The following NBEAL1 variants were observed in gnomAD, a reference collection of about 807,000 sequenced individuals.
The protein encoded by NBEAL1 is neurobeachin-like protein 1.
A neutral mutation model predicts 351.3 loss-of-function variants in NBEAL1; 273 were observed. The ratio of observed to expected loss-of-function variants is 0.78; its 90% CI spans 0.70 to 0.86. The LOEUF (loss-of-function observed/expected upper bound fraction) is 0.86. Ranked by LOEUF, NBEAL1 falls within the 40% of genes least tolerant of loss-of-function variation. The probability of loss-of-function intolerance (pLI) is 0.00; values close to 1 mark genes in which losing one functional copy is unlikely to be tolerated. For synonymous variants in NBEAL1, 1,050 were observed against 1,086.4 expected, an observed-to-expected ratio of 0.97 and a Z score of 0.66; for missense variants, 2,961 against 3,201.3, an observed-to-expected ratio of 0.92 and a Z score of 1.81.
At chr2:203,127,337 A>C (rs1490108167) in intron 23 of NBEAL1, among the ~76,000 whole-genome samples, 2 of 152,362 alleles carry the variant, frequency 1.3e-5, no homozygotes, top group Non-Finnish European at 2.9e-5. Context: ...ATTTTCCTTA[A>C]AAAGAAAAGC....
intron 37 of NBEAL1, 118 bp downstream of exon 37, chr2:203,166,415 A>C: frequency 1.0e-6 from 1 of 952,984 alleles, no homozygotes. Context: ...GGAGAAATGG[A>C]AAGTCAGTAA....
Position 203,151,553 on chromosome 2 carries a change from AC to A in NBEAL1, c.5554del (p.His1852MetfsTer7), listed in dbSNP as rs765552668. ...GCTGGTACCGAATTATAATTTCAAA[AC>A]CCATGAGGAAGCTAGTGCCTTGAGA... ...LKLVPNYNFKTHEEASALRDN... is the reference protein window; with the variant it reads ...LKLVPNYNFKXHEEASALRDN... On this transcript the variant is annotated frameshift_variant, in exon 35 of 56. Transcript: ENST00000683969. LOFTEE classifies it high-confidence loss of function. The A allele has an allele frequency of 6.2e-7, 1 of 1,609,696 alleles. No individual in the cohort carries two copies. The highest frequency in any genetic ancestry group is 1.1e-5 in the South Asian group (1 of 90,114).
rs562005532 is a variant in NBEAL1, at chr2:203,213,619, A to C, written c.8036A>C (p.Lys2679Thr). ...SHILVGLEDGKLIVVGVGKPA... is the reference protein window; with the variant it reads ...SHILVGLEDGTLIVVGVGKPA... ...ATTCTTGTAGGTTTAGAAGATGGCA[A>C]ATTGATTGTAGTGGGTGTTGGCAAG... Residue 2679 changes from lysine (K) to threonine (T), a missense_variant, in exon 55 of 56, where the codon AAA becomes ACA. By Grantham distance (78) the Lys-to-Thr change is moderately conservative. Coordinates refer to ENST00000683969, the MANE Select transcript of NBEAL1 (RefSeq NM_001378026.1). 44 of 1,614,072 alleles carry C rather than the reference A, an allele frequency of 2.7e-5. No individual in the cohort carries two copies. Among genetic ancestry groups the C allele is most frequent in the Middle Eastern group, 3.3e-4 (2 of 6,060 alleles).
At chr2:203,161,568 G>A (rs192165176) in intron 36 of NBEAL1, among the ~76,000 whole-genome samples, 43 of 151,914 alleles carry the variant, frequency 2.8e-4, no homozygotes, top group Admixed American at 2.6e-3. Flanking sequence ...GGCGGAGGTT[G>A]CAGTGAGCTG....
At chr2:203,138,390 CT>C in intron 30 of NBEAL1, 75 bp downstream of exon 30, 2 of 1,344,688 alleles carry the variant, frequency 1.5e-6, no homozygotes, top group Non-Finnish European at 2.1e-6. Context: ...TGCACCCCCT[CT>C]TTTTAGAGCG....
At position 203,188,480 on chromosome 2, in the gene NBEAL1, A is replaced by G. The variant is rs2064976108; in HGVS notation, c.6714A>G (p.Glu2238=). ...ATTTATTCTTTTTCTAGGAGTCTGA[A>G]TATGTTTCAGCTCATCTTCATGAAT... ...IYKHRKALES[E]YVSAHLHEWI... Residue 2238 remains glutamate, a synonymous_variant, in exon 45 of 56, where the codon GAA becomes GAG. Transcript: ENST00000683969. 6.4e-7 allele frequency: 1 copy of G among 1,552,142 alleles called. No individual in the cohort carries two copies. Among genetic ancestry groups the G allele is most frequent in the Non-Finnish European group, 8.7e-7 (1 of 1,149,666 alleles).
intron 4 of NBEAL1, 82 bp from the exon 5 acceptor site, chr2:203,056,345 T>C: frequency 1.3e-6 from 1 of 761,208 alleles, no homozygotes; most frequent in Non-Finnish European, 2.3e-6. Flanking sequence ...CAGCATGTGT[T>C]CTCATAATTC....
chr2:203,153,302 A>AT (rs5837843), intron 35 of NBEAL1, among the ~76,000 whole-genome samples: 106,972 of 124,050 alleles, frequency 0.86, 47,347 homozygotes, highest in Non-Finnish European at 0.95. Context: ...CATGCCCAGC[A>AT]TTTTTTTTTT....
At chr2:203,164,176 T>C (rs894829878) in intron 36 of NBEAL1, among the ~76,000 whole-genome samples, 11 of 151,896 alleles carry the variant, frequency 7.2e-5, no homozygotes, top group Admixed American at 3.9e-4. Flanking sequence ...AATAAAACTT[T>C]GTACAATCTT....
intron 18 of NBEAL1, among the ~76,000 whole-genome samples, chr2:203,118,897 CT>C (rs2062760512): frequency 6.6e-6 from 1 of 151,652 alleles, no homozygotes; most frequent in Non-Finnish European, 1.5e-5. Context: ...CCTGACTGGT[CT>C]TTTTGACATT....
Position 203,221,616 on chromosome 2 carries a change from C to T in NBEAL1, c.*4262C>T, listed in dbSNP as rs759896904. ...TCCTACGCATTGTTCCTCTCATCAG[C>T]TGAAACTGTTTCTCCCCAATAAGTG... On this transcript the variant is annotated 3_prime_UTR_variant, in exon 56 of 56. Coordinates refer to ENST00000683969, the MANE Select transcript of NBEAL1 (RefSeq NM_001378026.1). Among the ~76,000 whole-genome samples the T allele has an allele frequency of 3.9e-5, 6 of 152,184 alleles. No individual in the cohort carries two copies. Among genetic ancestry groups the T allele is most frequent in the Non-Finnish European group, 8.8e-5 (6 of 68,034 alleles).
intron 45 of NBEAL1, 60 bp downstream of exon 45, chr2:203,188,649 T>C (rs2064982899): frequency 2.2e-6 from 2 of 928,066 alleles, no homozygotes; most frequent in Non-Finnish European, 3.3e-6. Context: ...GTTTAATATA[T>C]GTTTACAGTT....
At chr2:203,193,668 C>A in intron 46 of NBEAL1, 127 bp from the exon 47 acceptor site, 1 of 547,936 alleles carries the variant, frequency 1.8e-6, no homozygotes, top group Non-Finnish European at 3.2e-6. Flanking sequence ...TCTGAGCCAA[C>A]ACCTATAATT....
intron 31 of NBEAL1, 148 bp downstream of exon 31, chr2:203,138,896 C>T (rs1282279195): frequency 2.7e-5 from 19 of 713,078 alleles, no homozygotes; most frequent in Non-Finnish European, 3.7e-5. Context: ...TTTTGAGGAG[C>T]TTGAGAGGCA....
At chr2:203,032,885 G>A (rs2060974091) in intron 2 of NBEAL1, among the ~76,000 whole-genome samples, 1 of 151,088 alleles carries the variant, frequency 6.6e-6, no homozygotes, top group Admixed American at 6.6e-5. Flanking sequence ...GGCTGGTCTC[G>A]AACTCCTGAC....
At position 203,156,428 on chromosome 2, in the gene NBEAL1, A is replaced by G. The variant is rs544665756; in HGVS notation, c.5588-1271A>G. ...GATTTTCAATTCATACTGTTAACAG[A>G]ATAGTACCATACATCTATATAAAGT... On this transcript the variant is annotated intron_variant, in intron 35 of 55. Transcript: ENST00000683969. Among the ~76,000 whole-genome samples the G allele has an allele frequency of 7.2e-5, 11 of 152,338 alleles. No homozygotes were observed. The East Asian group carries it at 2.1e-3, about 29-fold the overall frequency.
intron 49 of NBEAL1, 39 bp downstream of exon 49, chr2:203,199,486 G>A: frequency 1.0e-6 from 1 of 967,726 alleles, no homozygotes; most frequent in Non-Finnish European, 1.6e-6. Flanking sequence ...AGCTATACCA[G>A]ATACCTTATT....
At chr2:203,099,918 C>T (rs2062275286) in intron 12 of NBEAL1, among the ~76,000 whole-genome samples, 1 of 151,992 alleles carries the variant, frequency 6.6e-6, no homozygotes, top group African/African-American at 2.4e-5. Context: ...TCAAGTAGGC[C>T]CTGGTGTCTA....
intron 35 of NBEAL1, among the ~76,000 whole-genome samples, chr2:203,153,533 G>C (rs979681619): frequency 6.6e-6 from 1 of 152,052 alleles, no homozygotes; most frequent in Admixed American, 6.6e-5. Flanking sequence ...CTGCCATTTA[G>C]AGTCTTACAT....
Sources: allele counts gnomAD v4.1 joint callset (sites outside exome capture counted in the v4.1 genomes callset), GRCh38; gene constraint gnomAD v4.1.1; transcripts MANE v1.5; gene names NCBI Gene and HGNC (gene_info 2026-07-23, HGNC 2026-07-21).